Variants in SDK1 observed in about 807,000 individuals in gnomAD.
SDK1 encodes protein sidekick-1.
Under a neutral mutation model 245.5 loss-of-function variants are expected in SDK1, and 157 were observed. That is an observed-to-expected ratio of 0.64 (90% CI 0.56 to 0.73). The LOEUF (loss-of-function observed/expected upper bound fraction) is 0.73. Ranked by LOEUF, SDK1 falls within the 30% of genes least tolerant of loss-of-function variation. SDK1 has a pLI of 0.00. For missense variants in SDK1, 3,583 were observed against 3,002.3 expected, an observed-to-expected ratio of 1.19 and a Z score of -4.52; for synonymous variants, 1,647 against 1,278.5, an observed-to-expected ratio of 1.29 and a Z score of -6.15.
intron 1 of SDK1, among the ~76,000 whole-genome samples, chr7:3,423,443 G>T (rs1353053963): frequency 1.3e-5 from 2 of 152,222 alleles, no homozygotes; most frequent in East Asian, 3.9e-4. Context: ...GAACTTCTTG[G>T]GATAAGCAGA....
intron 5 of SDK1, among the ~76,000 whole-genome samples, chr7:3,949,887 A>G (rs975861574): frequency 6.6e-6 from 1 of 152,224 alleles, no homozygotes; most frequent in African/African-American, 2.4e-5. Context: ...CCCTTTGTTA[A>G]TTGAATATAT....
chr7:4,176,286 C>G (rs527732523), intron 34 of SDK1, among the ~76,000 whole-genome samples: 116 of 152,156 alleles, frequency 7.6e-4, no homozygotes, highest in African/African-American at 2.6e-3. Flanking sequence ...CTCAGCCCCC[C>G]AAGTAGCTGG....
At chr7:3,602,898 C>A (rs1482728379) in intron 1 of SDK1, among the ~76,000 whole-genome samples, 1 of 152,056 alleles carries the variant, frequency 6.6e-6, no homozygotes, top group Non-Finnish European at 1.5e-5. Context: ...CTACATATGG[C>A]TAGCCAGTTT....
intron 19 of SDK1, among the ~76,000 whole-genome samples, chr7:4,060,041 A>C (rs1473400913): frequency 6.6e-6 from 1 of 151,822 alleles, no homozygotes; most frequent in Non-Finnish European, 1.5e-5. Flanking sequence ...CACCACACCT[A>C]GCTAACTTTT....
At chr7:4,203,014 G>A (rs758118860) in intron 35 of SDK1, among the ~76,000 whole-genome samples, 4 of 152,172 alleles carry the variant, frequency 2.6e-5, no homozygotes, top group Non-Finnish European at 5.9e-5. Flanking sequence ...GCTGAAGCTC[G>A]CTGGCCACTT....
intron 1 of SDK1, among the ~76,000 whole-genome samples, chr7:3,501,723 GT>G (rs1388738853): frequency 4.6e-5 from 7 of 152,068 alleles, no homozygotes; most frequent in African/African-American, 1.4e-4. Context: ...TTATCATAAT[GT>G]TTTTATTTTT....
chr7:4,131,525 G>A (rs953190044), intron 27 of SDK1, among the ~76,000 whole-genome samples: 5 of 152,178 alleles, frequency 3.3e-5, no homozygotes, highest in South Asian at 2.1e-4. Context: ...CCAGAACGAC[G>A]AACATACATC....
At chr7:3,630,282 A>G (rs191175778) in intron 2 of SDK1, among the ~76,000 whole-genome samples, 131 of 152,360 alleles carry the variant, frequency 8.6e-4, no homozygotes, top group African/African-American at 3.1e-3. Flanking sequence ...AGAAAAAGAA[A>G]TAAAAGGCAT....
chr7:3,737,222 G>C (rs1779340687), intron 4 of SDK1, among the ~76,000 whole-genome samples: 1 of 152,192 alleles, frequency 6.6e-6, no homozygotes, highest in South Asian at 2.1e-4. Context: ...CCATAGGCTG[G>C]GCTCCGCAGT....
In SDK1 at chr7:3,533,822, A is replaced by G. The variant is rs191960197; in HGVS notation, c.299-85258A>G. On this transcript the variant is annotated intron_variant, in intron 1 of 44. Coordinates refer to ENST00000404826, the MANE Select transcript of SDK1 (RefSeq NM_152744.4). Reference sequence around the variant, plus strand: ...GTTTCACGATAATTTTTTCTTAGTTATGTGAATATATTCAATATATTTCCT... The same window carrying G: ...GTTTCACGATAATTTTTTCTTAGTTGTGTGAATATATTCAATATATTTCCT... Among the ~76,000 whole-genome samples, 200 of 150,984 alleles carry G rather than the reference A, an allele frequency of 1.3e-3. 1 individual carries two copies. Among genetic ancestry groups the G allele is most frequent in the African/African-American group, 4.8e-3 (196 of 41,058 alleles).
chr7:3,725,819 T>G (rs1370808291), intron 4 of SDK1, among the ~76,000 whole-genome samples: 2 of 152,226 alleles, frequency 1.3e-5, no homozygotes, highest in Admixed American at 1.3e-4. Context: ...ACATGTGATT[T>G]GAAACCACAA....
chr7:4,042,398 C>G (rs867519492), intron 17 of SDK1, among the ~76,000 whole-genome samples: 1 of 136,702 alleles, frequency 7.3e-6, no homozygotes, highest in Non-Finnish European at 1.5e-5. Flanking sequence ...CCCTGAGTGT[C>G]GGGGGCTTCA....
intron 4 of SDK1, among the ~76,000 whole-genome samples, chr7:3,672,515 A>G (rs561727742): frequency 6.7e-6 from 1 of 149,180 alleles, no homozygotes; most frequent in South Asian, 2.1e-4. Context: ...ACCAGTACCT[A>G]AATAAGTCCA....
chr7:4,183,989 G>A (rs567836764), intron 35 of SDK1, among the ~76,000 whole-genome samples: 4 of 152,272 alleles, frequency 2.6e-5, no homozygotes, highest in African/African-American at 7.2e-5. Context: ...ACACTCCTCC[G>A]GGTTCTGTGT....
chr7:3,840,949 G>A (rs539138204), intron 5 of SDK1, among the ~76,000 whole-genome samples: 3 of 152,160 alleles, frequency 2.0e-5, no homozygotes, highest in Non-Finnish European at 4.4e-5. Context: ...ACTTCAGATG[G>A]CTCTGAGCCT....
At chr7:3,930,981 C>T (rs755082145) in intron 5 of SDK1, among the ~76,000 whole-genome samples, 1 of 152,200 alleles carries the variant, frequency 6.6e-6, no homozygotes, top group Non-Finnish European at 1.5e-5. Context: ...TTTTGCACAT[C>T]TTGCTGAATT....
At chr7:3,910,690 G>T (rs1338742892) in intron 5 of SDK1, among the ~76,000 whole-genome samples, 1 of 152,138 alleles carries the variant, frequency 6.6e-6, no homozygotes, top group African/African-American at 2.4e-5. Flanking sequence ...TTTCCCAGTT[G>T]CATGATACAT....
At chr7:3,804,205 A>T in intron 4 of SDK1, among the ~76,000 whole-genome samples, 1 of 152,170 alleles carries the variant, frequency 6.6e-6, no homozygotes, top group Non-Finnish European at 1.5e-5. Context: ...ATCTTCTCCT[A>T]AAAATTTTAC....
At chr7:3,376,162 A>G (rs1781350058) in intron 1 of SDK1, among the ~76,000 whole-genome samples, 1 of 152,034 alleles carries the variant, frequency 6.6e-6, no homozygotes, top group Non-Finnish European at 1.5e-5. Context: ...ATGCCTCTGC[A>G]CTCCAGCCCG....
Sources: allele counts gnomAD v4.1 joint callset (sites outside exome capture counted in the v4.1 genomes callset), GRCh38; gene constraint gnomAD v4.1.1; transcripts MANE v1.5; gene names NCBI Gene and HGNC (gene_info 2026-07-23, HGNC 2026-07-21).